Variants in DTHD1 observed in about 807,000 individuals in gnomAD.
DTHD1 encodes death domain-containing protein 1.
In DTHD1, 59 loss-of-function variants were observed where a neutral mutation model predicts 74.8. That is an observed-to-expected ratio of 0.79 (90% CI 0.64 to 0.98). DTHD1 has a LOEUF of 0.98. DTHD1 is among the 50% of genes least tolerant of loss of function. The pLI, the probability that DTHD1 is intolerant of heterozygous loss-of-function variation, is 0.00. For missense variants in DTHD1, 1,051 were observed against 1,065.4 expected (o/e 0.99, Z 0.19); for synonymous variants, 365 against 371.1 (o/e 0.98, Z 0.19).
At chr4:36,315,242 T>C (rs958161159) in intron 7 of DTHD1, among the ~76,000 whole-genome samples, 11 of 152,326 alleles carry the variant, frequency 7.2e-5, no homozygotes, top group Non-Finnish European at 1.6e-4. Context: ...TGAAAGGTTA[T>C]GTTCACAAAA....
In DTHD1 at chr4:36,303,777, A is replaced by G. The variant is rs566057429; in HGVS notation, c.1644-2414A>G. Among the ~76,000 whole-genome samples, 4 of 152,324 alleles carry G rather than the reference A, an allele frequency of 2.6e-5. No individual in the cohort carries two copies. In the East Asian group the frequency reaches 7.7e-4, roughly 29 times the overall value. Reference sequence around the variant, plus strand: ...AAACTCTCAAATCCCAAGGGCTTAAATGACAATCTTTGCATCTGTCATGGC... The same window carrying G: ...AAACTCTCAAATCCCAAGGGCTTAAGTGACAATCTTTGCATCTGTCATGGC... On this transcript the variant is annotated intron_variant, in intron 5 of 9. Transcript: ENST00000639862.
In DTHD1 at chr4:36,294,938, T is replaced by C; in HGVS notation, c.1542T>C (p.Pro514=). The C allele has an allele frequency of 6.4e-7, 1 of 1,551,824 alleles. No homozygotes were observed. The highest frequency in any genetic ancestry group is 8.7e-7 in the Non-Finnish European group (1 of 1,146,748). The part of the protein sequence containing the change: ...PFQKPVTLFL[P]CSPYLDKNNL... ...AGAAGCCAGTCACTTTGTTTTTACC[T>C]TGTTCTCCATACCTTGATAAAAACA... The change falls in exon 5 of 10, where the codon CCT becomes CCC. Residue 514 remains proline, a synonymous_variant. Coordinates refer to ENST00000639862, the MANE Select transcript of DTHD1 (RefSeq NM_001170700.3).
chr4:36,298,260 T>C (rs1756563054), intron 5 of DTHD1, among the ~76,000 whole-genome samples: 2 of 152,264 alleles, frequency 1.3e-5, no homozygotes, highest in Non-Finnish European at 2.9e-5. Flanking sequence ...ACTGTAGCAA[T>C]AATATATATT....
chr4:36,283,504 T>A (rs1755516285), intron 1 of DTHD1, among the ~76,000 whole-genome samples: 1 of 152,202 alleles, frequency 6.6e-6, no homozygotes, highest in Non-Finnish European at 1.5e-5. Context: ...GCAGAAATAA[T>A]GGAGGTATGG....
intron 5 of DTHD1, among the ~76,000 whole-genome samples, chr4:36,300,195 C>T (rs1756678209): frequency 6.6e-6 from 1 of 152,168 alleles, no homozygotes; most frequent in African/African-American, 2.4e-5. Flanking sequence ...TGCAAGCATG[C>T]AGACGTGGGG....
At position 36,343,709 on chromosome 4, in the gene DTHD1, T is replaced by A; in HGVS notation, c.2606T>A (p.Leu869Gln). ...LPTFTDKLRL[L>Q]ARHLRKIGRS... ...ACTTTCACCGACAAACTTCGCCTCCTGGCTCGACATCTCCGCAAGATTGGC... is the reference window on the plus strand; with the variant it reads ...ACTTTCACCGACAAACTTCGCCTCCAGGCTCGACATCTCCGCAAGATTGGC... Residue 869 changes from leucine (L) to glutamine (Q), a missense_variant, in exon 10 of 10, where the codon CTG becomes CAG. Leu to Gln is a moderately radical substitution (Grantham distance 113, BLOSUM62 -2). Coordinates refer to ENST00000639862, the MANE Select transcript of DTHD1 (RefSeq NM_001170700.3). The A allele has an allele frequency of 6.4e-7, 1 of 1,551,700 alleles. No homozygotes were observed. Among genetic ancestry groups the A allele is most frequent in the Non-Finnish European group, 8.7e-7 (1 of 1,146,950 alleles).
rs543648183 is a variant in DTHD1, at chr4:36,327,729, A to G, written c.2340+11243A>G. 1.7e-4 allele frequency among the ~76,000 whole-genome samples: 26 copies of G among 152,334 alleles called. No homozygotes were observed. In the South Asian group the frequency reaches 5.0e-3, roughly 29 times the overall value. Reference sequence around the variant, plus strand: ...AGACATGCATTTAGAAATCAGATTTATCTATTCCAGACTGCTTTTGATAAT... The same window carrying G: ...AGACATGCATTTAGAAATCAGATTTGTCTATTCCAGACTGCTTTTGATAAT... On this transcript the variant is annotated intron_variant, in intron 8 of 9. Transcript: ENST00000639862.
chr4:36,312,290 G>C (rs951567519), intron 7 of DTHD1, among the ~76,000 whole-genome samples: 15 of 151,372 alleles, frequency 9.9e-5, no homozygotes, highest in Non-Finnish European at 4.4e-5. Flanking sequence ...AATGCCCTTT[G>C]GCCCAGGGAA....
At chr4:36,297,870 C>A (rs67223246) in intron 5 of DTHD1, among the ~76,000 whole-genome samples, 10,367 of 151,754 alleles carry the variant, frequency 0.068, 638 homozygotes, top group African/African-American at 0.16. Flanking sequence ...TCCTTGAGTC[C>A]AGATCTAGGG....
At chr4:36,321,345 C>T (rs1459984034) in intron 8 of DTHD1, among the ~76,000 whole-genome samples, 9 of 152,196 alleles carry the variant, frequency 5.9e-5, no homozygotes, top group Non-Finnish European at 1.3e-4. Flanking sequence ...AGCCACTCTG[C>T]ATTGCTTGCA....
chr4:36,324,872 G>C (rs1272637505), intron 8 of DTHD1, among the ~76,000 whole-genome samples: 1 of 152,160 alleles, frequency 6.6e-6, no homozygotes, highest in East Asian at 1.9e-4. Context: ...TCAGAGAAGG[G>C]GGTGAACGCT....
At position 36,344,161 on chromosome 4, in the gene DTHD1, T is replaced by C. The variant is rs1759476470; in HGVS notation, c.*337T>C. On this transcript the variant is annotated 3_prime_UTR_variant, in exon 10 of 10. Transcript: ENST00000639862. The stretch of plus-strand genomic sequence containing the variant: ...TCTGATATATGTAATTACTTATTAA[T>C]TGGTATCTACATAAAATTAAACTAG... 1 of 199,782 alleles carries C rather than the reference T, an allele frequency of 5.0e-6. No homozygotes were observed. The highest frequency in any genetic ancestry group is 1.0e-5 in the Non-Finnish European group (1 of 96,996). 12.4% of individuals were successfully genotyped at this position (199,782 alleles called of 1,614,324 possible).
At chr4:36,282,339 T>C (rs944156509) in intron 1 of DTHD1, among the ~76,000 whole-genome samples, 1 of 152,278 alleles carries the variant, frequency 6.6e-6, no homozygotes, top group Non-Finnish European at 1.5e-5. Flanking sequence ...AAAGAGTGAA[T>C]TGGATTTATG....
intron 6 of DTHD1, among the ~76,000 whole-genome samples, chr4:36,306,790 A>G (rs544940817): frequency 5.9e-5 from 9 of 152,358 alleles, no homozygotes; most frequent in African/African-American, 1.9e-4. Flanking sequence ...AAGGTTCATG[A>G]AGAGTAGCCA....
At chr4:36,309,374 C>A (rs1038722786) in intron 7 of DTHD1, among the ~76,000 whole-genome samples, 2 of 152,200 alleles carry the variant, frequency 1.3e-5, no homozygotes, top group African/African-American at 4.8e-5. Flanking sequence ...ATCACTTGAA[C>A]CCGGGAGGCG....
rs141268493 is a variant in DTHD1 at position 36,297,914 on chromosome 4, T to TTGTG, written c.1643+2892_1643+2895dup. On this transcript the variant is annotated intron_variant, in intron 5 of 9. Transcript: ENST00000639862. ...TTTTTTAGCTTTTGAGTTCATATAA[T>TTGTG]TGTGTGTGTGTGTGTGTGTGCACGT... is the stretch of plus-strand genomic sequence containing the variant. Among the ~76,000 whole-genome samples the TTGTG allele has an allele frequency of 2.3e-3, 347 of 148,444 alleles. 2 individuals carry two copies. The highest frequency in any genetic ancestry group is 7.9e-3 in the African/African-American group (321 of 40,682).
At chr4:36,318,612 C>CTTTTCT (rs1757867388) in intron 8 of DTHD1, among the ~76,000 whole-genome samples, 1 of 111,804 alleles carries the variant, frequency 8.9e-6, no homozygotes, top group Non-Finnish European at 1.7e-5. Flanking sequence ...TTTTTCTTTT[C>CTTTTCT]TTTTTTTTTT....
chr4:36,308,121 T>C (rs1333030685), intron 6 of DTHD1, 83 bp from the exon 7 acceptor site: 1 of 1,290,764 alleles, frequency 7.7e-7, no homozygotes, highest in Non-Finnish European at 1.1e-6. Flanking sequence ...TTGATATGAC[T>C]CTTTTCTTGG....
Position 36,323,553 on chromosome 4 carries a change from G to T in DTHD1, c.2340+7067G>T, listed in dbSNP as rs777159643. 9.0e-4 allele frequency among the ~76,000 whole-genome samples: 89 copies of T among 98,554 alleles called. 1 individual carries two copies. Among genetic ancestry groups the T allele is most frequent in the Non-Finnish European group, 1.9e-3 (71 of 37,444 alleles). 64.7% of individuals were successfully genotyped at this position (98,554 alleles called of 152,430 possible). A position where few individuals can be genotyped will look rare whatever the true frequency, so the allele number is the denominator to read the frequency against. On this transcript the variant is annotated intron_variant, in intron 8 of 9. Transcript: ENST00000639862. ...TTATATTAGGGTTGAAGGATCAAATGGAACTTATTATGTTATTGCTAGGTA... is the reference window on the plus strand; with the variant it reads ...TTATATTAGGGTTGAAGGATCAAATTGAACTTATTATGTTATTGCTAGGTA...
Sources: allele counts gnomAD v4.1 joint callset (sites outside exome capture counted in the v4.1 genomes callset), GRCh38; gene constraint gnomAD v4.1.1; transcripts MANE v1.5; gene names NCBI Gene and HGNC (gene_info 2026-07-23, HGNC 2026-07-21).